Variants in HHAT observed in about 807,000 individuals in gnomAD.
HHAT encodes hedgehog acyltransferase.
A neutral mutation model predicts 70.8 loss-of-function variants in HHAT; 47 were observed. That is an observed-to-expected ratio of 0.66 (90% confidence interval 0.53 to 0.85). The LOEUF is 0.85. Ranked by LOEUF, HHAT falls within the 40% of genes least tolerant of loss-of-function variation. HHAT has a pLI of 0.00. For missense variants in HHAT, 609 were observed against 604.8 expected (o/e 1.01, Z -0.07); for synonymous variants, 228 against 247.6 (o/e 0.92, Z 0.74).
chr1:210,605,424 C>A (rs1165494773), intron 10 of HHAT, among the ~76,000 whole-genome samples: 1 of 152,192 alleles, frequency 6.6e-6, no homozygotes, highest in Non-Finnish European at 1.5e-5. Context: ...CTTATGCATA[C>A]TGGGCATTGG....
At chr1:210,647,769 A>T (rs1036326719) in intron 11 of HHAT, among the ~76,000 whole-genome samples, 6 of 152,222 alleles carry the variant, frequency 3.9e-5, no homozygotes, top group African/African-American at 1.4e-4. Flanking sequence ...CAATTATTGA[A>T]CATCTGTTAT....
At chr1:210,517,350 C>T (rs2095074471) in intron 9 of HHAT, among the ~76,000 whole-genome samples, 1 of 152,128 alleles carries the variant, frequency 6.6e-6, no homozygotes, top group African/African-American at 2.4e-5. Context: ...TGGTCTTGAA[C>T]TCATGAGCTC....
At chr1:210,470,935 A>T (rs2094193489) in intron 8 of HHAT, among the ~76,000 whole-genome samples, 1 of 152,196 alleles carries the variant, frequency 6.6e-6, no homozygotes, top group Non-Finnish European at 1.5e-5. Flanking sequence ...TGTACCTTTC[A>T]TGGTAATAGT....
chr1:210,410,139 A>C (rs1572229690), intron 6 of HHAT, among the ~76,000 whole-genome samples: 1 of 149,942 alleles, frequency 6.7e-6, no homozygotes, highest in Admixed American at 6.7e-5. Flanking sequence ...TGCAACCTCC[A>C]CCTCCCGGGT....
intron 1 of HHAT, among the ~76,000 whole-genome samples, chr1:210,332,243 A>G (rs964126730): frequency 2.6e-5 from 4 of 152,234 alleles, no homozygotes; most frequent in African/African-American, 9.6e-5. Context: ...AAAAGGACCA[A>G]TTCGGTTTTT....
intron 10 of HHAT, among the ~76,000 whole-genome samples, chr1:210,600,276 TAA>T (rs1663934533): frequency 6.6e-6 from 1 of 152,112 alleles, no homozygotes; most frequent in South Asian, 2.1e-4. Context: ...CCTTTTTGAA[TAA>T]AAGAAAGAAT....
chr1:210,568,174 A>G (rs1055646239), intron 9 of HHAT, among the ~76,000 whole-genome samples: 2 of 152,260 alleles, frequency 1.3e-5, no homozygotes, highest in African/African-American at 4.8e-5. Flanking sequence ...TGAAGTCTCC[A>G]TAGAAGTCCG....
intron 7 of HHAT, among the ~76,000 whole-genome samples, chr1:210,440,283 G>A (rs1274778646): frequency 6.6e-6 from 1 of 151,752 alleles, no homozygotes; most frequent in Non-Finnish European, 1.5e-5. Context: ...GGAGGAAAGG[G>A]GTGGAAGGAG....
At chr1:210,655,656 TC>T (rs963430306) in intron 11 of HHAT, among the ~76,000 whole-genome samples, 9 of 152,328 alleles carry the variant, frequency 5.9e-5, no homozygotes, top group African/African-American at 2.2e-4. Flanking sequence ...AAAACGTCTT[TC>T]TCTGTAACCG....
intron 4 of HHAT, among the ~76,000 whole-genome samples, chr1:210,388,350 A>G (rs758409555): frequency 2.0e-5 from 3 of 152,208 alleles, no homozygotes; most frequent in Non-Finnish European, 4.4e-5. Context: ...ATAAAACTGA[A>G]GTAGAAGAGA....
intron 11 of HHAT, among the ~76,000 whole-genome samples, chr1:210,637,296 G>A (rs1320419629): frequency 6.6e-6 from 1 of 152,122 alleles, no homozygotes; most frequent in Non-Finnish European, 1.5e-5. Flanking sequence ...CAAAATGTAA[G>A]AGCCAAAACT....
intron 11 of HHAT, among the ~76,000 whole-genome samples, chr1:210,665,267 T>C (rs976598574): frequency 2.0e-5 from 3 of 152,248 alleles, no homozygotes; most frequent in African/African-American, 4.8e-5. Context: ...ACCTAATATA[T>C]CCTTCACATT....
At chr1:210,329,817 A>G (rs1191411849) in intron 1 of HHAT, among the ~76,000 whole-genome samples, 1 of 152,166 alleles carries the variant, frequency 6.6e-6, no homozygotes, top group Non-Finnish European at 1.5e-5. Flanking sequence ...GCACAATCTC[A>G]GCTCACTGCA....
intron 1 of HHAT, among the ~76,000 whole-genome samples, chr1:210,342,389 C>G (rs2086115301): frequency 6.6e-6 from 1 of 152,220 alleles, no homozygotes; most frequent in Non-Finnish European, 1.5e-5. Flanking sequence ...CTTTACAGTT[C>G]CGACCAGTAT....
At chr1:210,533,810 TAAAG>T (rs60096492) in intron 9 of HHAT, among the ~76,000 whole-genome samples, 1,628 of 152,316 alleles carry the variant, frequency 0.011, 34 homozygotes, top group African/African-American at 0.037. Context: ...TTCTCTCTAA[TAAAG>T]AAATCAAAGA....
At chr1:210,428,054 A>G (rs1222462792) in intron 7 of HHAT, among the ~76,000 whole-genome samples, 1 of 151,640 alleles carries the variant, frequency 6.6e-6, no homozygotes. Context: ...AATGCCCTTC[A>G]TTGTCTTTTT....
At chr1:210,616,615 G>A (rs952126508) in intron 10 of HHAT, among the ~76,000 whole-genome samples, 1 of 152,238 alleles carries the variant, frequency 6.6e-6, no homozygotes, top group African/African-American at 2.4e-5. Context: ...TCCACTTTGT[G>A]TATGGCACTC....
chr1:210,480,762 A>T (rs2094383740), intron 8 of HHAT, among the ~76,000 whole-genome samples: 1 of 151,104 alleles, frequency 6.6e-6, no homozygotes, highest in African/African-American at 2.4e-5. Context: ...GGCTCAGCTG[A>T]CCTCTCCCTG....
chr1:210,415,098 A>G (rs1003787863), intron 6 of HHAT, among the ~76,000 whole-genome samples: 1 of 152,230 alleles, frequency 6.6e-6, no homozygotes, highest in Non-Finnish European at 1.5e-5. Flanking sequence ...TTTGGTGTAT[A>G]TCTTTCCAGC....
Sources: allele counts gnomAD v4.1 joint callset (sites outside exome capture counted in the v4.1 genomes callset), GRCh38; gene constraint gnomAD v4.1.1; transcripts MANE v1.5; gene names NCBI Gene and HGNC (gene_info 2026-07-23, HGNC 2026-07-21).